Variants in COL23A1 observed in about 807,000 individuals in gnomAD.
The protein encoded by COL23A1 is collagen alpha-1(XXIII) chain.
A neutral mutation model predicts 99.3 loss-of-function variants in COL23A1; 97 were observed. The observed-to-expected ratio is 0.98, with a 90% CI of 0.83 to 1.16. COL23A1 has a LOEUF of 1.16. Among genes scored for constraint, COL23A1 ranks in the 50% most tolerant of loss-of-function variants. COL23A1 has a pLI of 0.00. For missense variants in COL23A1, 762 were observed against 757.4 expected, an observed-to-expected ratio of 1.01 and a Z score of -0.07; for synonymous variants, 320 against 308.2, an observed-to-expected ratio of 1.04 and a Z score of -0.40.
At chr5:178,269,340 C>CATGT (rs1756097458) in intron 6 of COL23A1, among the ~76,000 whole-genome samples, 1 of 56,636 alleles carries the variant, frequency 1.8e-5, no homozygotes, top group Non-Finnish European at 5.7e-5. Flanking sequence ...TGTATCCATC[C>CATGT]ATCCATCCAC....
At chr5:178,331,588 G>C (rs1425058397) in intron 2 of COL23A1, among the ~76,000 whole-genome samples, 1 of 152,234 alleles carries the variant, frequency 6.6e-6, no homozygotes, top group African/African-American at 2.4e-5. Flanking sequence ...CAGGGAGGGC[G>C]AGGCTCTGAG....
chr5:178,252,660 T>C (rs1765098003), intron 16 of COL23A1, 63 bp from the exon 17 acceptor site: 8 of 1,412,920 alleles, frequency 5.7e-6, no homozygotes, highest in Non-Finnish European at 7.8e-6. Flanking sequence ...TCGCTACCCA[T>C]CCAGCTCCCC....
chr5:178,358,493 GTATGCGTGTATA>G (rs199774706), intron 2 of COL23A1, among the ~76,000 whole-genome samples: 14,301 of 142,924 alleles, frequency 0.1, 853 homozygotes, highest in Middle Eastern at 0.27. Context: ...ATATGTGTGT[GTATGCGTGTATA>G]TGTGTGTATG....
At position 178,434,381 on chromosome 5, in the gene COL23A1, G is replaced by A. The variant is rs751431897; in HGVS notation, c.361+126301C>T. ...CCACACATGGTCCCACCAGGACAGCGCCCCTGCAGCACGGTGGCCTCGGGC... is the reference window on the plus strand; with the variant it reads ...CCACACATGGTCCCACCAGGACAGCACCCCTGCAGCACGGTGGCCTCGGGC... On this transcript the variant is annotated intron_variant, in intron 2 of 28. Coordinates refer to ENST00000390654, the MANE Select transcript of COL23A1 (RefSeq NM_173465.4). The surrounding 1 kb of genome is among the most constrained non-coding windows in gnomAD (Gnocchi z 4.3). Among the ~76,000 whole-genome samples the A allele has an allele frequency of 6.6e-6, 1 of 152,232 alleles. No homozygotes were observed. The highest frequency in any genetic ancestry group is 6.5e-5 in the Admixed American group (1 of 15,292).
intron 2 of COL23A1, among the ~76,000 whole-genome samples, chr5:178,431,762 G>A (rs1766279331): frequency 2.0e-5 from 3 of 152,230 alleles, no homozygotes; most frequent in South Asian, 4.1e-4. Flanking sequence ...GGAACATTAA[G>A]AGACTAGATC....
At chr5:178,344,852 C>A (rs913445262) in intron 2 of COL23A1, 5 of 747,302 alleles carry the variant, frequency 6.7e-6, no homozygotes, top group Non-Finnish European at 1.1e-5. Context: ...GATGGCGGGG[C>A]GATCTGTGTC....
At chr5:178,350,220 C>T (rs755065334) in intron 2 of COL23A1, among the ~76,000 whole-genome samples, 44 of 152,212 alleles carry the variant, frequency 2.9e-4, no homozygotes, top group Non-Finnish European at 5.7e-4. Flanking sequence ...CCTGGTCATG[C>T]CCCTCTCTGT....
intron 3 of COL23A1, among the ~76,000 whole-genome samples, chr5:178,300,104 T>C (rs1581108029): frequency 6.8e-6 from 1 of 146,896 alleles, no homozygotes; most frequent in African/African-American, 2.5e-5. Context: ...CTCGCTCTGT[T>C]GCCCAGGCTG....
chr5:178,585,513 C>T lies in COL23A1; in HGVS notation c.294+4391G>A, dbSNP rs1162289922. ...CCTGGATGACGCTGGAGTAACACTC[C>T]ACGTCCCTGGATGACGCTGGAGTAA... On this transcript the variant is annotated intron_variant, in intron 1 of 28. Transcript: ENST00000390654. 2.6e-3 allele frequency among the ~76,000 whole-genome samples: 291 copies of T among 112,946 alleles called. 9 individuals carry two copies. Among genetic ancestry groups the T allele is most frequent in the Middle Eastern group, 0.02 (5 of 244 alleles). The allele number at this position is 112,946 out of a possible 152,430, so 74.1% of individuals were successfully genotyped here. A position where few individuals can be genotyped will look rare whatever the true frequency, so the allele number is the denominator to read the frequency against.
At chr5:178,425,100 C>G (rs1765840263) in intron 2 of COL23A1, among the ~76,000 whole-genome samples, 1 of 152,194 alleles carries the variant, frequency 6.6e-6, no homozygotes, top group African/African-American at 2.4e-5. Context: ...GAGAAAAACG[C>G]AAAGCAGCCT....
chr5:178,334,027 G>A (rs895534910), intron 2 of COL23A1, among the ~76,000 whole-genome samples: 2 of 152,166 alleles, frequency 1.3e-5, no homozygotes, highest in Non-Finnish European at 2.9e-5. Flanking sequence ...CCACAGGGGA[G>A]TAGCTGGGGA....
intron 9 of COL23A1, among the ~76,000 whole-genome samples, chr5:178,262,584 G>T (rs1044602582): frequency 2.0e-5 from 3 of 152,190 alleles, no homozygotes; most frequent in African/African-American, 7.2e-5. Context: ...GGGAAGGACA[G>T]GCTGGGGATT....
chr5:178,513,917 C>T lies in COL23A1; in HGVS notation c.361+46765G>A, dbSNP rs547131957. The stretch of plus-strand genomic sequence containing the variant: ...CATATATGTAAGATTAAAATTTTGC[C>T]ATCTTACCCATTTATAATTGTCCGG... On this transcript the variant is annotated intron_variant, in intron 2 of 28. Coordinates refer to ENST00000390654, the MANE Select transcript of COL23A1 (RefSeq NM_173465.4). Among the ~76,000 whole-genome samples, 3 of 152,046 alleles carry T rather than the reference C, an allele frequency of 2.0e-5. No homozygotes were observed. In the East Asian group the frequency reaches 5.8e-4, roughly 29 times the overall value.
chr5:178,447,279 A>T (rs1275256608), intron 2 of COL23A1, among the ~76,000 whole-genome samples: 1 of 152,004 alleles, frequency 6.6e-6, no homozygotes, highest in Non-Finnish European at 1.5e-5. Context: ...TTTTTAGTAG[A>T]GATGGGGTTT....
Position 178,255,178 on chromosome 5 carries a change from G to C in COL23A1, c.883-152C>G. The C allele has an allele frequency of 1.5e-6, 1 of 655,478 alleles. No individual in the cohort carries two copies. Among genetic ancestry groups the C allele is most frequent in the Non-Finnish European group, 2.7e-6 (1 of 372,588 alleles). The allele number at this position is 655,478 out of a possible 1,614,324, so 40.6% of individuals were successfully genotyped here. On this transcript the variant is annotated intron_variant, in intron 15 of 28. Coordinates refer to ENST00000390654, the MANE Select transcript of COL23A1 (RefSeq NM_173465.4). This position sits in a 1 kb window ranked among gnomAD's most constrained non-coding sequence, Gnocchi z 4.2. ...CATGCCCCTCCCCAGGGTGGATGGA[G>C]GGAACGGGAGGCAGGCCCTGTGGCC...
chr5:178,588,009 C>T (rs1764086908), intron 1 of COL23A1, among the ~76,000 whole-genome samples: 1 of 152,218 alleles, frequency 6.6e-6, no homozygotes, highest in South Asian at 2.1e-4. Flanking sequence ...GCACAGCATG[C>T]GCCTCAGATA....
intron 2 of COL23A1, among the ~76,000 whole-genome samples, chr5:178,478,337 C>T (rs1039006266): frequency 5.3e-5 from 8 of 152,284 alleles, no homozygotes; most frequent in South Asian, 2.1e-4. Context: ...TAGGGTTATC[C>T]GGGACTAACT....
chr5:178,534,678 T>C lies in COL23A1; in HGVS notation c.361+26004A>G, dbSNP rs938662856. On this transcript the variant is annotated intron_variant, in intron 2 of 28. Transcript: ENST00000390654. ...CCTGTAATCCCAGCTACTCGGTAGG[T>C]TGAAGCAGGAGAATCGCTTGAACCC... Among the ~76,000 whole-genome samples, 17 of 152,050 alleles carry C rather than the reference T, an allele frequency of 1.1e-4. No homozygotes were observed. The South Asian group carries it at 1.7e-3, about 15-fold the overall frequency.
chr5:178,590,081 C>T lies in COL23A1; in HGVS notation c.117G>A (p.Leu39=). 1 of 1,312,524 alleles carries T rather than the reference C, an allele frequency of 7.6e-7. No homozygotes were observed. The highest frequency in any genetic ancestry group is 9.7e-7 in the Non-Finnish European group (1 of 1,027,126). The allele number at this position is 1,312,524 out of a possible 1,614,324, so 81.3% of individuals were successfully genotyped here. A position where few individuals can be genotyped will look rare whatever the true frequency, so the allele number is the denominator to read the frequency against. The change falls in exon 1 of 29, where the codon CTG becomes CTA. Residue 39 remains leucine (L), a synonymous_variant. Transcript: ENST00000390654. This position sits in a 1 kb window ranked among gnomAD's most constrained non-coding sequence, Gnocchi z 5.7. Reference sequence around the variant, plus strand: ...CCGAGCCCACGGAGAGCAGCAGGCACAGCGCGCTCACCGCCCGGGACCCGG... The same window carrying T: ...CCGAGCCCACGGAGAGCAGCAGGCATAGCGCGCTCACCGCCCGGGACCCGG... ...TTAGSRAVSA[L]CLLLSVGSAA... is the part of the protein sequence containing the mutation.
Sources: gnomAD v4.1 joint callset for allele counts (sites outside exome capture counted in the v4.1 genomes callset) on GRCh38, gnomAD v4.1.1 for gene constraint, Gnocchi (gnomAD v3.1) non-coding constraint, MANE v1.5 for transcripts, NCBI Gene and HGNC (gene_info 2026-07-23, HGNC 2026-07-21) for gene names.